Variants in GPATCH2 observed in about 807,000 individuals in gnomAD.
GPATCH2 encodes the protein G patch domain-containing protein 2.
A neutral mutation model predicts 58.0 loss-of-function variants in GPATCH2; 51 were observed. That is an observed-to-expected ratio of 0.88 (90% CI 0.70 to 1.11). The LOEUF (loss-of-function observed/expected upper bound fraction) is 1.11, where lower values mean the gene tolerates loss of function less well. Among genes scored for constraint, GPATCH2 ranks in the 50% most tolerant of loss-of-function variants. The pLI, the probability that GPATCH2 is intolerant of heterozygous loss-of-function variation, is 0.00. For missense variants in GPATCH2, 625 were observed against 652.2 expected, an observed-to-expected ratio of 0.96 and a Z score of 0.45; for synonymous variants, 222 against 218.5, an observed-to-expected ratio of 1.02 and a Z score of -0.14.
chr1:217,552,570 T>C lies in GPATCH2; in HGVS notation c.1099-37681A>G, dbSNP rs202230512. ...TATGTTACTGTGCCACCATAAATTA[T>C]GTTGGAACGAATGGTCAGGCCCCAA... On this transcript the variant is annotated intron_variant, in intron 5 of 9. Transcript: ENST00000366935. Among the ~76,000 whole-genome samples, 11 of 152,286 alleles carry C rather than the reference T, an allele frequency of 7.2e-5. No homozygotes were observed. In the East Asian group the frequency reaches 1.9e-3, roughly 27 times the overall value.
chr1:217,443,885 G>A (rs1659261032), intron 9 of GPATCH2, among the ~76,000 whole-genome samples: 2 of 152,016 alleles, frequency 1.3e-5, no homozygotes, highest in Non-Finnish European at 2.9e-5. Context: ...TACCACATCT[G>A]TCTTTTCTTT....
At chr1:217,571,703 C>CAAAAAAAAAAAAAAAAA (rs11463536) in intron 5 of GPATCH2, among the ~76,000 whole-genome samples, 15 of 73,812 alleles carry the variant, frequency 2.0e-4, no homozygotes, top group East Asian at 1.0e-3. Flanking sequence ...AAAACGAAAC[C>CAAAAAAAAAAAAAAAAA]AAAAAAAAAA....
At chr1:217,447,434 C>T (rs113668095) in intron 9 of GPATCH2, among the ~76,000 whole-genome samples, 7 of 152,278 alleles carry the variant, frequency 4.6e-5, no homozygotes, top group African/African-American at 1.4e-4. Context: ...CCTTCCCTTG[C>T]GTTCAATAAT....
chr1:217,447,597 T>C (rs1659448582), intron 9 of GPATCH2, among the ~76,000 whole-genome samples: 1 of 152,168 alleles, frequency 6.6e-6, no homozygotes, highest in African/African-American at 2.4e-5. Flanking sequence ...GTGGCAAATA[T>C]TATTCTATAC....
intron 6 of GPATCH2, 91 bp from the exon 7 acceptor site, chr1:217,498,486 T>G: frequency 1.1e-6 from 1 of 918,072 alleles, no homozygotes; most frequent in Non-Finnish European, 1.8e-6. Context: ...AAGAAATTTG[T>G]CACCAGCAAC....
At chr1:217,490,632 C>T (rs1277686220) in intron 8 of GPATCH2, among the ~76,000 whole-genome samples, 1 of 152,128 alleles carries the variant, frequency 6.6e-6, no homozygotes, top group Non-Finnish European at 1.5e-5. Flanking sequence ...AATCACATTT[C>T]TCATTTCTAA....
intron 5 of GPATCH2, among the ~76,000 whole-genome samples, chr1:217,599,916 T>G (rs1179023052): frequency 6.6e-6 from 1 of 152,080 alleles, no homozygotes; most frequent in Non-Finnish European, 1.5e-5. Context: ...AAACATTTAG[T>G]TTTTAAAGAA....
At chr1:217,433,034 CAA>C (rs1162184362) in intron 9 of GPATCH2, among the ~76,000 whole-genome samples, 1 of 152,040 alleles carries the variant, frequency 6.6e-6, no homozygotes. Context: ...TTACTTCTCT[CAA>C]AGTTTCATGA....
chr1:217,540,536 A>G (rs2102643259), intron 5 of GPATCH2, among the ~76,000 whole-genome samples: 1 of 152,360 alleles, frequency 6.6e-6, no homozygotes, highest in East Asian at 1.9e-4. Flanking sequence ...TTAGTAACAT[A>G]GCAGTGATTG....
rs149999003 is a variant in GPATCH2, at chr1:217,567,273, C to T, written c.1098+43048G>A. Among the ~76,000 whole-genome samples, 731 of 152,048 alleles carry T rather than the reference C, an allele frequency of 4.8e-3. 9 individuals are homozygous for T. Among genetic ancestry groups the T allele is most frequent in the African/African-American group, 0.017 (687 of 41,472 alleles). On this transcript the variant is annotated intron_variant, in intron 5 of 9. Transcript: ENST00000366935. ...GTTGGTCAGACTGGTCTTGAACTCCCGACCTCAGGTGATCCGCCCGCCTGG... is the reference window on the plus strand; with the variant it reads ...GTTGGTCAGACTGGTCTTGAACTCCTGACCTCAGGTGATCCGCCCGCCTGG...
At chr1:217,516,278 G>A (rs1413612373) in intron 5 of GPATCH2, among the ~76,000 whole-genome samples, 1 of 151,878 alleles carries the variant, frequency 6.6e-6, no homozygotes, top group African/African-American at 2.4e-5. Flanking sequence ...ATATAGAATG[G>A]GGGGAAAAGC....
intron 5 of GPATCH2, among the ~76,000 whole-genome samples, chr1:217,557,472 C>T (rs906318826): frequency 6.7e-6 from 1 of 149,816 alleles, no homozygotes; most frequent in Non-Finnish European, 1.5e-5. Flanking sequence ...ACAGTCTTTT[C>T]CTCTATAAAC....
At chr1:217,439,347 C>G (rs1416573224) in intron 9 of GPATCH2, among the ~76,000 whole-genome samples, 1 of 152,188 alleles carries the variant, frequency 6.6e-6, no homozygotes, top group Non-Finnish European at 1.5e-5. Flanking sequence ...GTGCCAGAAT[C>G]TCTGGGACAC....
In GPATCH2 at chr1:217,614,129, T is replaced by C. The variant is rs760570738; in HGVS notation, c.835+12A>G. On this transcript the variant is annotated intron_variant, in intron 3 of 9. Transcript: ENST00000366935. ...GTTTTTCCAAAGAGAGAAAAAAATA[T>C]CATTTCAGTACCTTGTCTTCCCTCA... is the stretch of plus-strand genomic sequence containing the variant. The C allele has an allele frequency of 1.4e-6, 2 of 1,478,936 alleles. No homozygotes were observed. Among genetic ancestry groups the C allele is most frequent in the South Asian group, 1.1e-5 (1 of 87,676 alleles). 91.6% of individuals were successfully genotyped at this position (1,478,936 alleles called of 1,614,324 possible).
intron 5 of GPATCH2, among the ~76,000 whole-genome samples, chr1:217,550,046 T>C (rs1665270895): frequency 6.7e-6 from 1 of 149,646 alleles, no homozygotes; most frequent in African/African-American, 2.5e-5. Context: ...TAAATACCAA[T>C]ATCTACACTT....
intron 7 of GPATCH2, 29 bp downstream of exon 7, chr1:217,498,327 A>C (rs1160190055): frequency 6.4e-7 from 1 of 1,569,360 alleles, no homozygotes; most frequent in Non-Finnish European, 8.8e-7. Context: ...AGGCTGAGTA[A>C]CTTCCTTTTG....
intron 5 of GPATCH2, among the ~76,000 whole-genome samples, chr1:217,521,340 TC>T (rs1663444124): frequency 9.1e-6 from 1 of 110,068 alleles, no homozygotes; most frequent in African/African-American, 3.9e-5. Context: ...TAGTACTTTT[TC>T]CCCTACAGGG....
chr1:217,571,703 C>CAAAAAAAA (rs11463536), intron 5 of GPATCH2, among the ~76,000 whole-genome samples: 35 of 73,796 alleles, frequency 4.7e-4, no homozygotes, highest in Admixed American at 7.1e-4. Flanking sequence ...AAAACGAAAC[C>CAAAAAAAA]AAAAAAAAAA....
chr1:217,431,762 T>G (rs1658545453), intron 9 of GPATCH2, among the ~76,000 whole-genome samples: 1 of 152,224 alleles, frequency 6.6e-6, no homozygotes, highest in Admixed American at 6.5e-5. Flanking sequence ...GTTAGCCTTA[T>G]GGATTATTCA....
Sources: allele counts gnomAD v4.1 joint callset (sites outside exome capture counted in the v4.1 genomes callset), GRCh38; gene constraint gnomAD v4.1.1; transcripts MANE v1.5; gene names NCBI Gene and HGNC (gene_info 2026-07-23, HGNC 2026-07-21).